SLC24A2: variants seen among roughly 807,000 people sequenced by gnomAD.
SLC24A2 encodes the protein solute carrier family 24 member 2, also known as sodium/potassium/calcium exchanger 2.
A neutral mutation model predicts 62.0 loss-of-function variants in SLC24A2; 36 were observed. That is an observed-to-expected ratio of 0.58 (90% confidence interval 0.44 to 0.77). The LOEUF (loss-of-function observed/expected upper bound fraction) is 0.77. Among genes scored for constraint, SLC24A2 ranks in the 30% least tolerant of loss-of-function variants. The probability of loss-of-function intolerance (pLI) is 0.00; values close to 1 mark genes in which losing one functional copy is unlikely to be tolerated. For synonymous variants in SLC24A2, 358 were observed against 294.0 expected (o/e 1.22, Z -2.23); for missense variants, 846 against 817.9 (o/e 1.03, Z -0.42).
the SLC24A2 span, among the ~76,000 whole-genome samples, chr9:20,005,880 A>G: frequency 6.7e-6 from 1 of 148,246 alleles, no homozygotes; most frequent in Non-Finnish European, 1.5e-5. Context: ...AAAAAAAAAG[A>G]CAGAAAAGAA....
intron 5 of SLC24A2, among the ~76,000 whole-genome samples, chr9:19,583,462 G>A (rs1431606601): frequency 6.6e-6 from 1 of 152,140 alleles, no homozygotes; most frequent in Non-Finnish European, 1.5e-5. Flanking sequence ...GCTTTCCACT[G>A]GCAGCAGACA....
the SLC24A2 span, among the ~76,000 whole-genome samples, chr9:20,286,156 GAC>G: frequency 6.6e-6 from 1 of 152,198 alleles, no homozygotes; most frequent in African/African-American, 2.4e-5. Flanking sequence ...TTATCCTTAT[GAC>G]ACTGTCCAGA....
At chr9:20,301,980 T>C in the SLC24A2 span, among the ~76,000 whole-genome samples, 22 of 152,214 alleles carry the variant, frequency 1.4e-4, no homozygotes, top group African/African-American at 2.9e-4. Context: ...CGGAATGTCA[T>C]AGAGTTGGAA....
the SLC24A2 span, among the ~76,000 whole-genome samples, chr9:20,116,408 G>C: frequency 6.6e-6 from 1 of 152,134 alleles, no homozygotes; most frequent in Non-Finnish European, 1.5e-5. Flanking sequence ...CATTCTGATA[G>C]AGGGTGCCCA....
chr9:20,298,639 T>A, the SLC24A2 span, among the ~76,000 whole-genome samples: 2 of 152,278 alleles, frequency 1.3e-5, no homozygotes, highest in Non-Finnish European at 2.9e-5. Flanking sequence ...TTCCAATGAT[T>A]TCTATTAGCA....
chr9:19,937,127 T>C, the SLC24A2 span, among the ~76,000 whole-genome samples: 1 of 152,162 alleles, frequency 6.6e-6, no homozygotes, highest in African/African-American at 2.4e-5. Flanking sequence ...TTGCTGCAGC[T>C]GGGCCACACA....
chr9:19,975,174 G>A, the SLC24A2 span, among the ~76,000 whole-genome samples: 1 of 152,314 alleles, frequency 6.6e-6, no homozygotes, highest in African/African-American at 2.4e-5. Context: ...AAAGGTCTGT[G>A]ATATTTAGGC....
Position 19,697,925 on chromosome 9 carries a change from C to G in SLC24A2, c.931-75626G>C, listed in dbSNP as rs143498115. 7.2e-3 allele frequency among the ~76,000 whole-genome samples: 1,101 copies of G among 152,180 alleles called. 16 individuals are homozygous for G. The highest frequency in any genetic ancestry group is 0.025 in the African/African-American group (1,054 of 41,528). ...TATGTTCCCTCTAAAAGTGACAACT[C>G]TATACTTCTAATATATGTAAATATA... On this transcript the variant is annotated intron_variant, in intron 2 of 10. Coordinates refer to ENST00000341998, the MANE Select transcript of SLC24A2 (RefSeq NM_020344.4).
At position 19,560,881 on chromosome 9, in the gene SLC24A2, G is replaced by GTT. The variant is rs1403811897; in HGVS notation, c.1348-10614_1348-10613insAA. Among the ~76,000 whole-genome samples the GTT allele has an allele frequency of 1.7e-3, 41 of 24,052 alleles. No homozygotes were observed. In the East Asian group the frequency reaches 0.031, roughly 18 times the overall value. 15.8% of individuals were successfully genotyped at this position (24,052 alleles called of 152,430 possible). ...TTAATTTCTCAATGTCTTTGCATTTGTGTGTGTGTGTGTGTGTATATATAT... is the reference window on the plus strand; with the variant it reads ...TTAATTTCTCAATGTCTTTGCATTTGTTTGTGTGTGTGTGTGTGTATATATAT... On this transcript the variant is annotated intron_variant, in intron 7 of 10. Transcript: ENST00000341998.
the SLC24A2 span, among the ~76,000 whole-genome samples, chr9:20,253,634 G>A: frequency 6.6e-6 from 1 of 152,296 alleles, no homozygotes; most frequent in East Asian, 1.9e-4. Flanking sequence ...CTGGGGAAGT[G>A]GGGCCCAGGC....
the SLC24A2 span, among the ~76,000 whole-genome samples, chr9:19,903,431 G>T: frequency 6.6e-6 from 1 of 152,068 alleles, no homozygotes; most frequent in Non-Finnish European, 1.5e-5. Context: ...TCTCCCAAAG[G>T]CTTACCTCCA....
chr9:19,794,874 C>T, the SLC24A2 span, among the ~76,000 whole-genome samples: 3 of 149,986 alleles, frequency 2.0e-5, no homozygotes, highest in Non-Finnish European at 4.4e-5. Flanking sequence ...CTTTATGACT[C>T]AAAAAAAAAA....
intron 2 of SLC24A2, among the ~76,000 whole-genome samples, chr9:19,761,109 C>T (rs954205036): frequency 6.6e-6 from 1 of 152,026 alleles, no homozygotes; most frequent in Non-Finnish European, 1.5e-5. Flanking sequence ...GTGAACAGTG[C>T]TGCAGTAAAC....
At chr9:20,015,433 T>C in the SLC24A2 span, among the ~76,000 whole-genome samples, 6 of 152,194 alleles carry the variant, frequency 3.9e-5, no homozygotes, top group South Asian at 2.1e-4. Context: ...GTGAGCTGGA[T>C]TGTTGAGTTG....
At chr9:19,856,032 G>T in the SLC24A2 span, among the ~76,000 whole-genome samples, 1 of 151,926 alleles carries the variant, frequency 6.6e-6, no homozygotes, top group African/African-American at 2.4e-5. Flanking sequence ...ATTTCAGAAA[G>T]ATAGTCAAGC....
chr9:20,061,373 G>A, the SLC24A2 span, among the ~76,000 whole-genome samples: 5 of 151,594 alleles, frequency 3.3e-5, no homozygotes, highest in African/African-American at 4.9e-5. Context: ...CACAACCTCC[G>A]CCTCCTTGGT....
chr9:20,240,061 C>A, the SLC24A2 span, among the ~76,000 whole-genome samples: 1 of 151,980 alleles, frequency 6.6e-6, no homozygotes, highest in Admixed American at 6.6e-5. Context: ...GAACTTGATC[C>A]CTTCTGGCCC....
At chr9:20,131,932 G>A in the SLC24A2 span, among the ~76,000 whole-genome samples, 1 of 152,080 alleles carries the variant, frequency 6.6e-6, no homozygotes, top group African/African-American at 2.4e-5. Flanking sequence ...GGAATAATTT[G>A]GCATAAATGG....
intron 2 of SLC24A2, among the ~76,000 whole-genome samples, chr9:19,643,872 C>A (rs1818570518): frequency 6.6e-6 from 1 of 152,200 alleles, no homozygotes; most frequent in Non-Finnish European, 1.5e-5. Context: ...TCCACAGATT[C>A]AATAGAATTT....
Sources: gnomAD v4.1 joint callset for allele counts (sites outside exome capture counted in the v4.1 genomes callset) on GRCh38, gnomAD v4.1.1 for gene constraint, MANE v1.5 for transcripts, NCBI Gene and HGNC (gene_info 2026-07-23, HGNC 2026-07-21) for gene names.